FOXN2: variants seen among roughly 807,000 people sequenced by gnomAD.
FOXN2 encodes forkhead box protein N2.
In FOXN2, 19 loss-of-function variants were observed where a neutral mutation model predicts 41.2. That is an observed-to-expected ratio of 0.46 (90% CI 0.32 to 0.68). The LOEUF is 0.68. Among genes scored for constraint, FOXN2 ranks in the 30% least tolerant of loss-of-function variants. The pLI, the probability that FOXN2 is intolerant of heterozygous loss-of-function variation, is 0.03. For missense variants in FOXN2, 587 were observed against 509.4 expected, an observed-to-expected ratio of 1.15 and a Z score of -1.47; for synonymous variants, 195 against 176.8, an observed-to-expected ratio of 1.10 and a Z score of -0.82.
At chr2:48,357,999 A>G (rs572333630) in intron 3 of FOXN2, among the ~76,000 whole-genome samples, 1 of 152,212 alleles carries the variant, frequency 6.6e-6, no homozygotes, top group South Asian at 2.1e-4. Flanking sequence ...TGATATGACA[A>G]CCATGGTTTT....
chr2:48,327,451 CTT>C (rs201892853), intron 1 of FOXN2, among the ~76,000 whole-genome samples: 1 of 147,130 alleles, frequency 6.8e-6, no homozygotes, highest in African/African-American at 2.5e-5. Context: ...TGGAGATAGT[CTT>C]TTTTTTTTTG....
At chr2:48,350,793 G>T (rs1320896392) in intron 3 of FOXN2, among the ~76,000 whole-genome samples, 1 of 152,176 alleles carries the variant, frequency 6.6e-6, no homozygotes, top group Non-Finnish European at 1.5e-5. Context: ...TTCTGGGAAT[G>T]TCAGGGATTC....
chr2:48,358,203 G>A (rs772388969), intron 3 of FOXN2, among the ~76,000 whole-genome samples: 6 of 149,536 alleles, frequency 4.0e-5, no homozygotes, highest in Non-Finnish European at 8.9e-5. Context: ...TTCCCTCCTC[G>A]GTGGAAAGTA....
chr2:48,318,479 T>A (rs1669079229), intron 1 of FOXN2, among the ~76,000 whole-genome samples: 1 of 152,184 alleles, frequency 6.6e-6, no homozygotes, highest in Non-Finnish European at 1.5e-5. Context: ...GGATACAAAC[T>A]AACGACATGA....
At chr2:48,326,844 A>G (rs1458197282) in intron 1 of FOXN2, among the ~76,000 whole-genome samples, 1 of 152,202 alleles carries the variant, frequency 6.6e-6, no homozygotes, top group Non-Finnish European at 1.5e-5. Context: ...CTTGGGTCCC[A>G]TCCCTAAAGT....
At chr2:48,332,606 A>G (rs1031293184) in intron 2 of FOXN2, among the ~76,000 whole-genome samples, 1 of 152,194 alleles carries the variant, frequency 6.6e-6, no homozygotes, top group African/African-American at 2.4e-5. Context: ...CAAAACTTCA[A>G]AATATAAAGC....
chr2:48,342,681 T>C (rs1670852704), intron 2 of FOXN2, among the ~76,000 whole-genome samples: 1 of 152,200 alleles, frequency 6.6e-6, no homozygotes, highest in African/African-American at 2.4e-5. Flanking sequence ...AAATGGATAG[T>C]GCTCTGTCTA....
intron 1 of FOXN2, among the ~76,000 whole-genome samples, chr2:48,321,545 A>T (rs935385876): frequency 6.6e-5 from 10 of 152,052 alleles, no homozygotes; most frequent in Non-Finnish European, 1.2e-4. Flanking sequence ...CAAAAAAAAA[A>T]TTTTAGTACA....
At chr2:48,363,732 A>T (rs762034786) in intron 5 of FOXN2, among the ~76,000 whole-genome samples, 1 of 152,184 alleles carries the variant, frequency 6.6e-6, no homozygotes, top group Non-Finnish European at 1.5e-5. Context: ...ACCATTTGTG[A>T]TACAATTACC....
intron 3 of FOXN2, among the ~76,000 whole-genome samples, chr2:48,352,917 C>CT (rs1165106561): frequency 2.0e-5 from 3 of 152,040 alleles, no homozygotes; most frequent in Admixed American, 6.6e-5. Context: ...CTACAAGTTG[C>CT]TTTTTGATTC....
chr2:48,364,871 C>A lies in FOXN2; in HGVS notation c.703+2164C>A, dbSNP rs115519119. Among the ~76,000 whole-genome samples, 848 of 152,332 alleles carry A rather than the reference C, an allele frequency of 5.6e-3. 9 individuals carry two copies. Among genetic ancestry groups the A allele is most frequent in the African/African-American group, 0.02 (816 of 41,574 alleles). ...TAGCATGCAAAGCCTAAAATATTTACCTTCTGACCCTTTACTGAAGAAGTT... is the reference window on the plus strand; with the variant it reads ...TAGCATGCAAAGCCTAAAATATTTAACTTCTGACCCTTTACTGAAGAAGTT... On this transcript the variant is annotated intron_variant, in intron 5 of 6. Coordinates refer to ENST00000340553, the MANE Select transcript of FOXN2 (RefSeq NM_002158.4).
At chr2:48,353,656 C>T (rs2104421736) in intron 3 of FOXN2, among the ~76,000 whole-genome samples, 1 of 147,506 alleles carries the variant, frequency 6.8e-6, no homozygotes, top group South Asian at 2.2e-4. Context: ...AAAAGCTCAG[C>T]ATCTTTTTTC....
chr2:48,360,522 G>T (rs1200830224), intron 4 of FOXN2, among the ~76,000 whole-genome samples: 1 of 152,036 alleles, frequency 6.6e-6, no homozygotes, highest in Non-Finnish European at 1.5e-5. Context: ...GGCTAAAGTT[G>T]AAATATCAGT....
chr2:48,339,974 G>C (rs1020894321), intron 2 of FOXN2, among the ~76,000 whole-genome samples: 1 of 152,128 alleles, frequency 6.6e-6, no homozygotes, highest in South Asian at 2.1e-4. Flanking sequence ...TAATGAATTC[G>C]ATGGGGGAAA....
chr2:48,315,304 G>A (rs919334926), intron 1 of FOXN2, among the ~76,000 whole-genome samples: 1 of 152,160 alleles, frequency 6.6e-6, no homozygotes, highest in South Asian at 2.1e-4. Context: ...CGGAGTCCTC[G>A]TCCGGCCCCA....
At chr2:48,373,800 T>A (rs763586672) in intron 6 of FOXN2, among the ~76,000 whole-genome samples, 7 of 152,112 alleles carry the variant, frequency 4.6e-5, no homozygotes, top group Non-Finnish European at 8.8e-5. Context: ...ACGTCTGTAA[T>A]CCTAGCACTT....
chr2:48,354,823 CAT>C (rs1308892786), intron 3 of FOXN2, among the ~76,000 whole-genome samples: 1 of 152,230 alleles, frequency 6.6e-6, no homozygotes, highest in East Asian at 1.9e-4. Flanking sequence ...AGGCAATAAA[CAT>C]AAACAAAGAT....
Position 48,328,623 on chromosome 2 carries a change from A to AAAAACC in FOXN2, c.-90_-85dup, listed in dbSNP as rs1196494736. On this transcript the variant is annotated 5_prime_UTR_variant, in exon 2 of 7. Transcript: ENST00000340553. ...GAGGGCTGACTGTACAAGTCTGTCAAAAAACCAAACTGCTGGTTGGCTAAT... is the reference window on the plus strand; with the variant it reads ...GAGGGCTGACTGTACAAGTCTGTCAAAAAACCAAAACCAAACTGCTGGTTGGCTAAT... 6.6e-6 allele frequency: 1 copy of AAAAACC among 152,232 alleles called. No homozygotes were observed. The highest frequency in any genetic ancestry group is 1.5e-5 in the Non-Finnish European group (1 of 68,036). 9.4% of individuals were successfully genotyped at this position (152,232 alleles called of 1,614,324 possible).
chr2:48,358,991 G>C, intron 3 of FOXN2, 56 bp from the exon 4 acceptor site: 1 of 1,318,658 alleles, frequency 7.6e-7, no homozygotes, highest in Non-Finnish European at 1.1e-6. Flanking sequence ...AAAACATTTA[G>C]ACGCTGACTG....
Sources: allele counts gnomAD v4.1 joint callset (sites outside exome capture counted in the v4.1 genomes callset), GRCh38; gene constraint gnomAD v4.1.1; transcripts MANE v1.5; gene names NCBI Gene and HGNC (gene_info 2026-07-23, HGNC 2026-07-21).